PIP5K1B: variants seen among roughly 807,000 people sequenced by gnomAD.
PIP5K1B encodes the protein phosphatidylinositol 4-phosphate 5-kinase type-1 beta.
A neutral mutation model predicts 67.0 loss-of-function variants in PIP5K1B; 42 were observed. That is an observed-to-expected ratio of 0.63 (90% confidence interval 0.49 to 0.81). PIP5K1B has a LOEUF of 0.81. Ranked by LOEUF, PIP5K1B falls within the 30% of genes least tolerant of loss-of-function variation. PIP5K1B has a pLI of 0.00. For missense variants in PIP5K1B, 459 were observed against 646.3 expected, an observed-to-expected ratio of 0.71 and a Z score of 3.14; for synonymous variants, 214 against 231.4, an observed-to-expected ratio of 0.92 and a Z score of 0.68.
chr9:68,997,954 G>A (rs1018497801), intron 15 of PIP5K1B, among the ~76,000 whole-genome samples: 1 of 151,746 alleles, frequency 6.6e-6, no homozygotes. Context: ...CAGTTTGCAG[G>A]GCTGCAGTAG....
chr9:69,003,288 T>C (rs1264863392), intron 15 of PIP5K1B, among the ~76,000 whole-genome samples: 1 of 151,894 alleles, frequency 6.6e-6, no homozygotes, highest in Non-Finnish European at 1.5e-5. Context: ...AGGAGCTGTG[T>C]GTAGGAAAAT....
chr9:68,999,835 G>A (rs1169620387), intron 15 of PIP5K1B, among the ~76,000 whole-genome samples: 2 of 152,220 alleles, frequency 1.3e-5, no homozygotes, highest in Non-Finnish European at 2.9e-5. Flanking sequence ...TAATCAAGGC[G>A]GGGAAGGAGT....
At chr9:68,998,216 TCA>T (rs1830677618) in intron 15 of PIP5K1B, among the ~76,000 whole-genome samples, 1 of 151,910 alleles carries the variant, frequency 6.6e-6, no homozygotes, top group African/African-American at 2.4e-5. Flanking sequence ...GACTACAGAC[TCA>T]CACCACCATG....
intron 15 of PIP5K1B, 97 bp downstream of exon 15, chr9:68,991,354 C>A: frequency 1.4e-6 from 1 of 701,906 alleles, no homozygotes; most frequent in Non-Finnish European, 2.6e-6. Context: ...ACCAGGCATG[C>A]TTGGGTTTTA....
At chr9:68,779,607 T>C (rs1284181433) in intron 2 of PIP5K1B, among the ~76,000 whole-genome samples, 2 of 152,176 alleles carry the variant, frequency 1.3e-5, no homozygotes, top group Admixed American at 6.5e-5. Context: ...GCCCTCACTC[T>C]CCACTCCAGG....
chr9:68,932,614 T>C (rs1407097164), intron 12 of PIP5K1B, among the ~76,000 whole-genome samples: 1 of 152,216 alleles, frequency 6.6e-6, no homozygotes, highest in African/African-American at 2.4e-5. Context: ...CATCTGCTTC[T>C]GAATTCAATA....
chr9:68,745,197 A>T (rs923917439), intron 2 of PIP5K1B, among the ~76,000 whole-genome samples: 3 of 152,172 alleles, frequency 2.0e-5, no homozygotes, highest in African/African-American at 7.2e-5. Flanking sequence ...CCCCCTCATG[A>T]GGCTGGAAGG....
At chr9:68,842,624 T>C (rs1821973297) in intron 4 of PIP5K1B, among the ~76,000 whole-genome samples, 1 of 152,224 alleles carries the variant, frequency 6.6e-6, no homozygotes, top group Non-Finnish European at 1.5e-5. Flanking sequence ...CAACCAGAGC[T>C]GATTTTGCTC....
chr9:68,998,525 T>G (rs778025091), intron 15 of PIP5K1B, among the ~76,000 whole-genome samples: 1 of 152,198 alleles, frequency 6.6e-6, no homozygotes, highest in East Asian at 1.9e-4. Flanking sequence ...TGGTTTCTAT[T>G]TTTGTCTTCC....
intron 1 of PIP5K1B, among the ~76,000 whole-genome samples, chr9:68,731,610 C>T (rs911397554): frequency 2.0e-5 from 3 of 152,162 alleles, no homozygotes; most frequent in Admixed American, 6.5e-5. Context: ...GAATTTGCAA[C>T]AGGTTGGAGG....
intron 2 of PIP5K1B, among the ~76,000 whole-genome samples, chr9:68,748,686 A>G (rs1171825154): frequency 1.5e-5 from 2 of 132,020 alleles, no homozygotes; most frequent in African/African-American, 3.0e-5. Flanking sequence ...CAATGGCACC[A>G]TCTTGGCTCA....
At chr9:68,844,401 C>A (rs1291307450) in intron 4 of PIP5K1B, among the ~76,000 whole-genome samples, 1 of 152,192 alleles carries the variant, frequency 6.6e-6, no homozygotes, top group Admixed American at 6.5e-5. Flanking sequence ...GAGCAATCAA[C>A]TATGCATCGG....
intron 14 of PIP5K1B, among the ~76,000 whole-genome samples, chr9:68,946,608 A>T (rs1262630966): frequency 3.3e-5 from 5 of 151,726 alleles, no homozygotes; most frequent in Admixed American, 6.6e-5. Context: ...GTTAGCCAGG[A>T]TGGTCTCGAT....
rs116890920 is a variant in PIP5K1B at position 68,902,198 on chromosome 9, T to C, written c.771+7560T>C. Among the ~76,000 whole-genome samples, 131 of 152,334 alleles carry C rather than the reference T, an allele frequency of 8.6e-4. 1 individual carries two copies. The East Asian group carries it at 0.023, about 27-fold the overall frequency. The stretch of plus-strand genomic sequence containing the variant: ...ACATAGATTTATATAACCACCACCT[T>C]GGTCAAGTACAGAACAGTTCTTTCT... On this transcript the variant is annotated intron_variant, in intron 8 of 15. Transcript: ENST00000265382.
chr9:68,833,917 T>C (rs905900592), intron 4 of PIP5K1B, among the ~76,000 whole-genome samples: 2 of 152,182 alleles, frequency 1.3e-5, no homozygotes, highest in African/African-American at 4.8e-5. Flanking sequence ...TGGCTGGACA[T>C]GGACTTGGGA....
At chr9:68,781,656 C>G (rs1021503028) in intron 2 of PIP5K1B, 9 of 166,628 alleles carry the variant, frequency 5.4e-5, no homozygotes, top group Admixed American at 1.3e-4. Context: ...TAAAAGTAAA[C>G]TTTTAAGAAA....
At chr9:68,769,676 T>C (rs1370096117) in intron 2 of PIP5K1B, among the ~76,000 whole-genome samples, 2 of 152,216 alleles carry the variant, frequency 1.3e-5, no homozygotes, top group Non-Finnish European at 2.9e-5. Flanking sequence ...CTCTAGGCTT[T>C]TGGTCCCATT....
Position 69,003,478 on chromosome 9 carries a change from AG to A in PIP5K1B, c.1621-4960del, listed in dbSNP as rs67726971. 2.8e-3 allele frequency among the ~76,000 whole-genome samples: 395 copies of A among 142,168 alleles called. 4 individuals carry two copies. The highest frequency in any genetic ancestry group is 5.9e-3 in the African/African-American group (232 of 39,162). The allele number at this position is 142,168 out of a possible 152,430, so 93.3% of individuals were successfully genotyped here. ...AGGTAATTATAGTTAAAAAAAAAAA[AG>A]GGGGGGGGATATCACCCCAAGGGTT... On this transcript the variant is annotated intron_variant, in intron 15 of 15. Coordinates refer to ENST00000265382, the MANE Select transcript of PIP5K1B (RefSeq NM_003558.4).
chr9:68,863,304 A>G (rs1005332071), intron 4 of PIP5K1B, among the ~76,000 whole-genome samples: 5 of 152,200 alleles, frequency 3.3e-5, no homozygotes, highest in Admixed American at 6.5e-5. Flanking sequence ...AAAAAGTATG[A>G]CACACTTCAC....
Sources: allele counts gnomAD v4.1 joint callset (sites outside exome capture counted in the v4.1 genomes callset), GRCh38; gene constraint gnomAD v4.1.1; transcripts MANE v1.5; gene names NCBI Gene and HGNC (gene_info 2026-07-23, HGNC 2026-07-21).